The following COL21A1 variants were observed in gnomAD, a reference collection of about 807,000 sequenced individuals.
The protein encoded by COL21A1 is collagen alpha-1(XXI) chain.
Under a neutral mutation model 137.9 loss-of-function variants are expected in COL21A1, and 149 were observed. That is an observed-to-expected ratio of 1.08 (90% CI 0.95 to 1.24). The LOEUF (loss-of-function observed/expected upper bound fraction) is 1.24. Among genes scored for constraint, COL21A1 ranks in the 50% most tolerant of loss-of-function variants. The pLI is 0.00. For synonymous variants in COL21A1, 456 were observed against 391.5 expected (o/e 1.16, Z -1.95); for missense variants, 1,167 against 1,158.4 (o/e 1.01, Z -0.11).
intron 1 of COL21A1, among the ~76,000 whole-genome samples, chr6:56,295,844 C>T (rs1764153128): frequency 6.6e-6 from 1 of 151,592 alleles, no homozygotes; most frequent in African/African-American, 2.4e-5. Flanking sequence ...TTTGTTGATT[C>T]CTTGGGATTT....
chr6:56,069,746 T>G (rs538121306), intron 21 of COL21A1, among the ~76,000 whole-genome samples: 1 of 150,680 alleles, frequency 6.6e-6, no homozygotes, highest in African/African-American at 2.4e-5. Context: ...GTTTTAATTA[T>G]GGAAGAGTAT....
chr6:56,130,165 TTATATATATATATATATATATA>T (rs201644225), intron 12 of COL21A1, among the ~76,000 whole-genome samples: 8 of 107,948 alleles, frequency 7.4e-5, no homozygotes, highest in South Asian at 6.4e-4. Flanking sequence ...TGACAGGGTT[TTATATATATATATATATATATA>T]TATATATATA....
chr6:56,145,098 A>G (rs910769865), intron 10 of COL21A1, among the ~76,000 whole-genome samples: 3 of 152,202 alleles, frequency 2.0e-5, no homozygotes, highest in African/African-American at 4.8e-5. Context: ...ATCAGCCACC[A>G]TTAGTACATT....
intron 1 of COL21A1, among the ~76,000 whole-genome samples, chr6:56,323,610 A>T: frequency 6.6e-6 from 1 of 152,058 alleles, no homozygotes; most frequent in Admixed American, 6.6e-5. Context: ...GGCTGGTCTC[A>T]AACTTCTGAA....
At chr6:56,296,589 T>G (rs951469971) in intron 1 of COL21A1, among the ~76,000 whole-genome samples, 1 of 152,042 alleles carries the variant, frequency 6.6e-6, no homozygotes, top group Non-Finnish European at 1.5e-5. Flanking sequence ...TCATTCACTC[T>G]GGGTTGTTAA....
chr6:56,338,094 C>T (rs1765376125), intron 1 of COL21A1, among the ~76,000 whole-genome samples: 1 of 151,654 alleles, frequency 6.6e-6, no homozygotes, highest in Non-Finnish European at 1.5e-5. Context: ...TCCCAAGTAG[C>T]TGGGACTACA....
At chr6:56,320,546 CA>C (rs1451832612) in intron 1 of COL21A1, among the ~76,000 whole-genome samples, 7 of 146,878 alleles carry the variant, frequency 4.8e-5, no homozygotes, top group African/African-American at 9.9e-5. Flanking sequence ...CACACACACA[CA>C]CCCCTCCCAC....
chr6:56,362,855 G>A (rs375022214), intron 1 of COL21A1, among the ~76,000 whole-genome samples: 9 of 152,068 alleles, frequency 5.9e-5, no homozygotes, highest in Non-Finnish European at 1.3e-4. Flanking sequence ...GGGCCGGTGC[G>A]TATTTGAAAA....
At chr6:56,241,430 C>T (rs922742326) in intron 1 of COL21A1, among the ~76,000 whole-genome samples, 3 of 152,160 alleles carry the variant, frequency 2.0e-5, no homozygotes, top group Admixed American at 2.0e-4. Context: ...CTTTAGCAGC[C>T]TGGGCTAACT....
intron 1 of COL21A1, among the ~76,000 whole-genome samples, chr6:56,219,169 A>C (rs916886679): frequency 7.1e-6 from 1 of 140,424 alleles, no homozygotes; most frequent in South Asian, 2.4e-4. Flanking sequence ...TCAGTGGTTG[A>C]GCCAAGCCCA....
At chr6:56,076,509 T>G (rs2114127180) in intron 18 of COL21A1, among the ~76,000 whole-genome samples, 1 of 151,504 alleles carries the variant, frequency 6.6e-6, no homozygotes, top group Admixed American at 6.6e-5. Flanking sequence ...CTATTAGTAC[T>G]GAAAATATAA....
intron 1 of COL21A1, among the ~76,000 whole-genome samples, chr6:56,216,044 A>G (rs4126555): frequency 0.63 from 96,095 of 151,924 alleles, 30,695 homozygotes; most frequent in East Asian, 0.86. Flanking sequence ...AAGTATTTTA[A>G]TGGCTCACCT....
chr6:56,310,764 G>T (rs1308493111), intron 1 of COL21A1, among the ~76,000 whole-genome samples: 30 of 151,868 alleles, frequency 2.0e-4, no homozygotes, highest in Admixed American at 2.0e-3. Flanking sequence ...CAGACCAAAT[G>T]AAGAAATACA....
At chr6:56,076,203 A>G (rs377270287) in intron 18 of COL21A1, among the ~76,000 whole-genome samples, 6 of 151,550 alleles carry the variant, frequency 4.0e-5, no homozygotes, top group South Asian at 4.1e-4. Context: ...CATGGAAAGG[A>G]AGCAGGAATC....
intron 1 of COL21A1, among the ~76,000 whole-genome samples, chr6:56,357,998 T>A (rs1052594456): frequency 6.6e-6 from 1 of 152,216 alleles, no homozygotes; most frequent in African/African-American, 2.4e-5. Flanking sequence ...TTTTTATACA[T>A]GCACAAGAGT....
At chr6:56,276,080 C>T (rs1168060824) in intron 1 of COL21A1, among the ~76,000 whole-genome samples, 1 of 152,076 alleles carries the variant, frequency 6.6e-6, no homozygotes, top group East Asian at 1.9e-4. Context: ...AACATGGAGG[C>T]AGCTAGAGAC....
chr6:56,213,681 T>A (rs1249394462), intron 1 of COL21A1, among the ~76,000 whole-genome samples: 3 of 151,770 alleles, frequency 2.0e-5, no homozygotes, highest in African/African-American at 4.8e-5. Context: ...GAAAAAAAAA[T>A]AGTATATTGT....
intron 9 of COL21A1, among the ~76,000 whole-genome samples, chr6:56,158,253 C>CTTTTTTTTTTTTTGTTTTTTTTT (rs59381031): frequency 1.9e-5 from 2 of 104,932 alleles, no homozygotes; most frequent in Admixed American, 1.2e-4. Flanking sequence ...TGGGTTTTTT[C>CTTTTTTTTTTTTTGTTTTTTTTT]TTTTTTTTTT....
intron 16 of COL21A1, among the ~76,000 whole-genome samples, chr6:56,110,901 T>C (rs2152186936): frequency 6.6e-6 from 1 of 152,228 alleles, no homozygotes; most frequent in East Asian, 1.9e-4. Flanking sequence ...TCTCCCCAAA[T>C]AAATTTAGAG....
Sources: gnomAD v4.1 joint callset for allele counts (sites outside exome capture counted in the v4.1 genomes callset) on GRCh38, gnomAD v4.1.1 for gene constraint, MANE v1.5 for transcripts, NCBI Gene and HGNC (gene_info 2026-07-23, HGNC 2026-07-21) for gene names.